The following PTPRT variants were observed in gnomAD, a reference collection of about 807,000 sequenced individuals.
PTPRT encodes protein tyrosine phosphatase receptor type T, also known as receptor-type tyrosine-protein phosphatase T.
In PTPRT, 56 loss-of-function variants were observed where a neutral mutation model predicts 176.8. That is an observed-to-expected ratio of 0.32 (90% confidence interval 0.26 to 0.40). The LOEUF (loss-of-function observed/expected upper bound fraction) is 0.40. Among genes scored for constraint, PTPRT ranks in the 10% least tolerant of loss-of-function variants. PTPRT has a pLI of 1.00. For missense variants in PTPRT, 1,540 were observed against 1,908.2 expected, an observed-to-expected ratio of 0.81 and a Z score of 3.60; for synonymous variants, 783 against 739.0, an observed-to-expected ratio of 1.06 and a Z score of -0.96.
In PTPRT at chr20:42,526,969, T is replaced by C. The variant is rs966425199; in HGVS notation, c.1154-54407A>G. ...TGGTTCTTTTTTCTTTTTTTTTTTT[T>C]TTTTTTTTTTTTGAGATGGAGTCTC... On this transcript the variant is annotated intron_variant, in intron 7 of 30. Coordinates refer to ENST00000373187, the MANE Select transcript of PTPRT (RefSeq NM_007050.6). 3.2e-3 allele frequency among the ~76,000 whole-genome samples: 442 copies of C among 136,836 alleles called. 3 individuals carry two copies. Among genetic ancestry groups the C allele is most frequent in the African/African-American group, 0.012 (423 of 36,634 alleles). The allele number at this position is 136,836 out of a possible 152,430, so 89.8% of individuals were successfully genotyped here. A position where few individuals can be genotyped will look rare whatever the true frequency, so the allele number is the denominator to read the frequency against.
intron 2 of PTPRT, among the ~76,000 whole-genome samples, chr20:42,831,042 T>C (rs1600804109): frequency 6.6e-6 from 1 of 152,192 alleles, no homozygotes; most frequent in African/African-American, 2.4e-5. Context: ...TTAATATTCA[T>C]ATGGAACCAA....
intron 13 of PTPRT, among the ~76,000 whole-genome samples, chr20:42,269,806 GA>G (rs774031850): frequency 7.9e-5 from 12 of 152,192 alleles, no homozygotes; most frequent in Non-Finnish European, 1.6e-4. Context: ...TAACAGGTAG[GA>G]AAAGTCAGGC....
chr20:42,728,397 T>C (rs1178821588), intron 6 of PTPRT, among the ~76,000 whole-genome samples: 3 of 152,088 alleles, frequency 2.0e-5, no homozygotes, highest in Non-Finnish European at 4.4e-5. Flanking sequence ...GTGAGCAAAA[T>C]TACATTATCA....
chr20:42,047,759 G>A, the PTPRT span, among the ~76,000 whole-genome samples: 6 of 152,142 alleles, frequency 3.9e-5, no homozygotes, highest in South Asian at 1.2e-3. Context: ...CACATTTTCT[G>A]GGAGACACTG....
chr20:42,886,046 T>A, intron 1 of PTPRT, 114 bp from the exon 2 acceptor site: 1 of 546,000 alleles, frequency 1.8e-6, no homozygotes, highest in Non-Finnish European at 2.6e-6. Flanking sequence ...TGGAGAAGAT[T>A]TTCCATATAT....
intron 9 of PTPRT, among the ~76,000 whole-genome samples, chr20:42,410,285 A>G (rs1296344467): frequency 6.6e-6 from 1 of 152,148 alleles, no homozygotes; most frequent in African/African-American, 2.4e-5. Flanking sequence ...AATTTGTTGG[A>G]AATCAAACAT....
intron 1 of PTPRT, among the ~76,000 whole-genome samples, chr20:43,087,880 G>A (rs962889830): frequency 6.6e-6 from 1 of 152,124 alleles, no homozygotes; most frequent in Non-Finnish European, 1.5e-5. Flanking sequence ...AGAGGACACT[G>A]AAGGCTGGGA....
rs202093342 is a variant in PTPRT at position 42,147,949 on chromosome 20, C to CA, written c.2683-5948dup. Among the ~76,000 whole-genome samples, 24 of 151,066 alleles carry CA rather than the reference C, an allele frequency of 1.6e-4. No individual in the cohort carries two copies. In the East Asian group the frequency reaches 2.7e-3, roughly 17 times the overall value. On this transcript the variant is annotated intron_variant, in intron 17 of 30. Coordinates refer to ENST00000373187, the MANE Select transcript of PTPRT (RefSeq NM_007050.6). ...TCTAATAAGGGATAATCTCTTGAAG[C>CA]AAAAAAAATATGAGGGGGAAAAGTA... is the stretch of plus-strand genomic sequence containing the variant.
At chr20:42,902,237 A>G (rs1237258009) in intron 1 of PTPRT, among the ~76,000 whole-genome samples, 1 of 152,210 alleles carries the variant, frequency 6.6e-6, no homozygotes, top group Non-Finnish European at 1.5e-5. Context: ...AAAAAGGAAA[A>G]GAACTAAGGT....
intron 7 of PTPRT, among the ~76,000 whole-genome samples, chr20:42,531,186 T>C (rs2072377572): frequency 1.3e-5 from 2 of 152,214 alleles, no homozygotes; most frequent in Non-Finnish European, 2.9e-5. Flanking sequence ...GGGTACTCTT[T>C]TTTATTATGG....
chr20:42,571,483 T>G (rs1016767766), intron 7 of PTPRT, among the ~76,000 whole-genome samples: 1 of 152,208 alleles, frequency 6.6e-6, no homozygotes, highest in East Asian at 1.9e-4. Flanking sequence ...AGACTTCTGA[T>G]CTCCAGAATT....
chr20:42,431,978 G>A (rs1483249903), intron 9 of PTPRT, among the ~76,000 whole-genome samples: 4 of 152,208 alleles, frequency 2.6e-5, no homozygotes, highest in African/African-American at 7.2e-5. Context: ...AGGTGGGAAC[G>A]GACACACAGG....
chr20:43,158,030 C>T (rs1054918601), intron 1 of PTPRT, among the ~76,000 whole-genome samples: 1 of 27,994 alleles, frequency 3.6e-5, no homozygotes, highest in African/African-American at 6.5e-5. Flanking sequence ...AGAGTAGATT[C>T]TGTCAAGACA....
At chr20:42,276,502 T>C (rs7362319) in intron 13 of PTPRT, among the ~76,000 whole-genome samples, 119 of 4,180 alleles carry the variant, frequency 0.028, no homozygotes, top group African/African-American at 0.16. Flanking sequence ...AGGAAATATA[T>C]ATATATATAT....
At chr20:42,555,221 C>T (rs2072839413) in intron 7 of PTPRT, among the ~76,000 whole-genome samples, 1 of 152,150 alleles carries the variant, frequency 6.6e-6, no homozygotes, top group Non-Finnish European at 1.5e-5. Flanking sequence ...CAGAGAGGCA[C>T]TTGGTACATC....
chr20:42,186,759 A>G (rs1451024373), intron 16 of PTPRT, among the ~76,000 whole-genome samples: 1 of 152,114 alleles, frequency 6.6e-6, no homozygotes, highest in African/African-American at 2.4e-5. Context: ...ACACGGATGG[A>G]TATGAGGATT....
intron 10 of PTPRT, 51 bp downstream of exon 10, chr20:42,352,033 G>T: frequency 1.3e-6 from 2 of 1,561,228 alleles, no homozygotes; most frequent in South Asian, 2.3e-5. Flanking sequence ...GGAAAATCAG[G>T]AAGTGGGGGT....
At chr20:42,696,649 G>T (rs929256957) in intron 6 of PTPRT, among the ~76,000 whole-genome samples, 2 of 151,876 alleles carry the variant, frequency 1.3e-5, no homozygotes, top group East Asian at 3.9e-4. Context: ...TAGAGACTGG[G>T]TTTCACCATG....
At chr20:42,863,982 T>C (rs912818163) in intron 2 of PTPRT, among the ~76,000 whole-genome samples, 2 of 152,198 alleles carry the variant, frequency 1.3e-5, no homozygotes, top group Non-Finnish European at 2.9e-5. Context: ...AGGAAGTCGC[T>C]CCAGCTACCT....
Sources: allele counts gnomAD v4.1 joint callset (sites outside exome capture counted in the v4.1 genomes callset), GRCh38; gene constraint gnomAD v4.1.1; transcripts MANE v1.5; gene names NCBI Gene and HGNC (gene_info 2026-07-23, HGNC 2026-07-21).